Variants in TFPI observed in about 807,000 individuals in gnomAD.
TFPI encodes the protein anti-convertin.
In TFPI, 15 loss-of-function variants were observed where a neutral mutation model predicts 34.6. The observed-to-expected ratio is 0.43, with a 90% CI of 0.29 to 0.67. TFPI has a LOEUF of 0.67. TFPI is among the 30% of genes least tolerant of loss of function. TFPI has a pLI of 0.15. For missense variants in TFPI, 301 were observed against 364.0 expected, an observed-to-expected ratio of 0.83 and a Z score of 1.41; for synonymous variants, 105 against 120.1, an observed-to-expected ratio of 0.87 and a Z score of 0.82.
intron 1 of TFPI, among the ~76,000 whole-genome samples, chr2:187,542,171 C>T (rs989015466): frequency 2.6e-5 from 4 of 151,892 alleles, no homozygotes; most frequent in African/African-American, 4.8e-5. Context: ...AAGGGAGAGT[C>T]AAAAGCTGTA....
rs1361869999 is a variant in TFPI, at chr2:187,464,404, T to C, written c.*2532A>G. 1.3e-5 allele frequency: 2 copies of C among 152,276 alleles called. No individual in the cohort carries two copies. Among genetic ancestry groups the C allele is most frequent in the Middle Eastern group, 3.4e-3 (1 of 294 alleles). The allele number at this position is 152,276 out of a possible 1,614,324, so 9.4% of individuals were successfully genotyped here. ...ACAATTCACAGTTAGATGCACTTAATTGTGGAAAATAAAGGAAGACAATAA... is the reference window on the plus strand; with the variant it reads ...ACAATTCACAGTTAGATGCACTTAACTGTGGAAAATAAAGGAAGACAATAA... On this transcript the variant is annotated 3_prime_UTR_variant, in exon 8 of 8. Coordinates refer to ENST00000233156, the MANE Select transcript of TFPI (RefSeq NM_006287.6).
At chr2:187,497,500 AC>A (rs1327903170) in intron 2 of TFPI, among the ~76,000 whole-genome samples, 2 of 151,928 alleles carry the variant, frequency 1.3e-5, no homozygotes, top group African/African-American at 4.8e-5. Flanking sequence ...ATATATATAT[AC>A]ACACACATAT....
intron 6 of TFPI, 101 bp downstream of exon 6, chr2:187,484,023 G>GTATA: frequency 1.1e-6 from 1 of 886,028 alleles, no homozygotes; most frequent in Non-Finnish European, 1.8e-6. Context: ...AACAACGCAG[G>GTATA]TATATATATA....
At chr2:187,520,157 C>A (rs1232278585) in intron 1 of TFPI, among the ~76,000 whole-genome samples, 3 of 152,086 alleles carry the variant, frequency 2.0e-5, no homozygotes, top group Non-Finnish European at 4.4e-5. Context: ...GGGGAGTGAA[C>A]AGATCTGTCC....
intron 1 of TFPI, chr2:187,519,146 AT>A (rs1687204219): frequency 6.6e-6 from 1 of 152,056 alleles, no homozygotes; most frequent in African/African-American, 2.4e-5. Flanking sequence ...ACTTCTGTCA[AT>A]TCATCAAACT....
chr2:187,509,432 C>CT lies in TFPI; in HGVS notation c.-2-5663dup, dbSNP rs1220541566. ...GGCTGTGAATCTGTCTGATCCTGGG[C>CT]TTTTTTTGGTTGCTAGGCTATTAGT... is the stretch of plus-strand genomic sequence containing the variant. On this transcript the variant is annotated intron_variant, in intron 1 of 7. Transcript: ENST00000233156. 3.3e-5 allele frequency among the ~76,000 whole-genome samples: 5 copies of CT among 152,046 alleles called. No homozygotes were observed. In the East Asian group the frequency reaches 7.7e-4, roughly 23 times the overall value.
At chr2:187,543,964 A>C (rs748919674) in intron 1 of TFPI, among the ~76,000 whole-genome samples, 3 of 152,220 alleles carry the variant, frequency 2.0e-5, no homozygotes, top group Non-Finnish European at 4.4e-5. Context: ...GTATGATGGA[A>C]ATAAAAATAT....
chr2:187,506,575 C>T (rs993257700), intron 1 of TFPI, among the ~76,000 whole-genome samples: 2 of 152,114 alleles, frequency 1.3e-5, no homozygotes, highest in Non-Finnish European at 2.9e-5. Context: ...TAGTTGTCAT[C>T]TCTCCTTAAG....
chr2:187,497,119 C>A lies in TFPI; in HGVS notation c.122-41G>T, dbSNP rs760995448. On this transcript the variant is annotated intron_variant, in intron 2 of 7. Coordinates refer to ENST00000233156, the MANE Select transcript of TFPI (RefSeq NM_006287.6). Reference sequence around the variant, plus strand: ...AAAAGATATAACATGTAATCTCCATCAACACTGTAATAATGTTCTTTATTT... The same window carrying A: ...AAAAGATATAACATGTAATCTCCATAAACACTGTAATAATGTTCTTTATTT... The A allele has an allele frequency of 2.0e-6, 3 of 1,528,430 alleles. No individual in the cohort carries two copies. The African/African-American group carries it at 4.2e-5, about 21-fold the overall frequency. The allele number at this position is 1,528,430 out of a possible 1,614,324, so 94.7% of individuals were successfully genotyped here.
chr2:187,517,884 C>T (rs1477566505), intron 1 of TFPI: 6 of 152,178 alleles, frequency 3.9e-5, no homozygotes, highest in Non-Finnish European at 1.5e-5. Flanking sequence ...GATCCCTTTA[C>T]CATTATATAA....
chr2:187,536,346 G>T (rs1275066239), intron 1 of TFPI, among the ~76,000 whole-genome samples: 2 of 152,176 alleles, frequency 1.3e-5, no homozygotes, highest in Admixed American at 1.3e-4. Context: ...TAAAATACTG[G>T]CAAACTGAAT....
chr2:187,496,230 T>TA (rs1319696060), intron 3 of TFPI, among the ~76,000 whole-genome samples: 4 of 152,198 alleles, frequency 2.6e-5, no homozygotes, highest in Admixed American at 6.5e-5. Flanking sequence ...GTTCCAATAA[T>TA]AAAAAAATCT....
At chr2:187,473,403 T>C (rs2105963971) in intron 6 of TFPI, among the ~76,000 whole-genome samples, 1 of 152,246 alleles carries the variant, frequency 6.6e-6, no homozygotes, top group Middle Eastern at 3.4e-3. Context: ...TTTATTTACT[T>C]TGTGGTAAGT....
intron 1 of TFPI, among the ~76,000 whole-genome samples, chr2:187,504,259 A>T (rs1050513354): frequency 6.6e-6 from 1 of 152,148 alleles, no homozygotes; most frequent in African/African-American, 2.4e-5. Flanking sequence ...AAAAGGAAAC[A>T]CATTTTCAGA....
intron 6 of TFPI, among the ~76,000 whole-genome samples, chr2:187,469,835 T>C (rs1364429087): frequency 6.6e-6 from 1 of 152,156 alleles, no homozygotes; most frequent in Non-Finnish European, 1.5e-5. Flanking sequence ...GAATCATTTA[T>C]ATTAGAGGAA....
At chr2:187,497,195 G>C in intron 2 of TFPI, 117 bp from the exon 3 acceptor site, 1 of 938,112 alleles carries the variant, frequency 1.1e-6, no homozygotes, top group Non-Finnish European at 1.5e-6. Context: ...AACATACTAA[G>C]AAACTATAAA....
chr2:187,478,415 G>A (rs1455880031), intron 6 of TFPI, among the ~76,000 whole-genome samples: 1 of 152,050 alleles, frequency 6.6e-6, no homozygotes, highest in African/African-American at 2.4e-5. Flanking sequence ...AATAGTTGAT[G>A]TATGGAAGCA....
intron 6 of TFPI, among the ~76,000 whole-genome samples, chr2:187,475,649 G>A (rs1217071540): frequency 1.3e-5 from 2 of 152,060 alleles, no homozygotes; most frequent in Non-Finnish European, 2.9e-5. Context: ...GAAGCCAAGC[G>A]AAATTTTGTG....
intron 6 of TFPI, among the ~76,000 whole-genome samples, chr2:187,469,112 T>C (rs1034036047): frequency 6.6e-6 from 1 of 152,016 alleles, no homozygotes; most frequent in South Asian, 2.1e-4. Flanking sequence ...CAAATTGATA[T>C]AAACATTTTT....
Sources: gnomAD v4.1 joint callset for allele counts (sites outside exome capture counted in the v4.1 genomes callset) on GRCh38, gnomAD v4.1.1 for gene constraint, MANE v1.5 for transcripts, NCBI Gene and HGNC (gene_info 2026-07-23, HGNC 2026-07-21) for gene names.